The following CRY1 variants were observed in gnomAD, a reference collection of about 807,000 sequenced individuals.
CRY1 encodes cryptochrome-1.
CRY1 carries 45 observed loss-of-function variants against 76.0 expected under a neutral mutation model. That is an observed-to-expected ratio of 0.59 (90% CI 0.47 to 0.76). The LOEUF is 0.76. Ranked by LOEUF, CRY1 falls within the 30% of genes least tolerant of loss-of-function variation. The pLI is 0.00. For missense variants in CRY1, 587 were observed against 716.4 expected (o/e 0.82, Z 2.06); for synonymous variants, 248 against 244.0 (o/e 1.02, Z -0.15).
intron 10 of CRY1, among the ~76,000 whole-genome samples, chr12:106,996,031 C>A (rs983319869): frequency 7.2e-5 from 11 of 152,052 alleles, no homozygotes; most frequent in African/African-American, 2.7e-4. Flanking sequence ...TTAGTAGAGA[C>A]GGGGGTTTCT....
At chr12:107,011,061 G>A (rs974562744) in intron 2 of CRY1, among the ~76,000 whole-genome samples, 3 of 152,082 alleles carry the variant, frequency 2.0e-5, no homozygotes, top group Non-Finnish European at 2.9e-5. Context: ...GGTGAGACAG[G>A]CCAGGCTGGG....
intron 1 of CRY1, among the ~76,000 whole-genome samples, chr12:107,062,025 CAAAAA>C (rs35683352): frequency 1.1e-5 from 1 of 93,564 alleles, no homozygotes; most frequent in South Asian, 3.5e-4. Flanking sequence ...GACCCTGTCT[CAAAAA>C]AAAAAAAAAA....
chr12:107,059,494 C>G (rs1953024358), intron 1 of CRY1, among the ~76,000 whole-genome samples: 1 of 151,990 alleles, frequency 6.6e-6, no homozygotes, highest in Non-Finnish European at 1.5e-5. Context: ...CTCAAGCAAT[C>G]CTCCCACTTC....
chr12:107,049,238 T>C lies in CRY1; in HGVS notation c.159-27046A>G, dbSNP rs528247503. Among the ~76,000 whole-genome samples, 232 of 152,324 alleles carry C rather than the reference T, an allele frequency of 1.5e-3. 2 individuals are homozygous for C. The highest frequency in any genetic ancestry group is 2.7e-3 in the Non-Finnish European group (187 of 68,026). The stretch of plus-strand genomic sequence containing the variant: ...TTCAGCCCAACACAACTGCTAAAAA[T>C]TCTGCTCAGTCTCTCAGTCACCATT... On this transcript the variant is annotated intron_variant, in intron 1 of 12. Coordinates refer to ENST00000008527, the MANE Select transcript of CRY1 (RefSeq NM_004075.5).
chr12:107,069,628 T>A (rs1485392765), intron 1 of CRY1, among the ~76,000 whole-genome samples: 6 of 121,320 alleles, frequency 4.9e-5, no homozygotes, highest in Non-Finnish European at 1.0e-4. Flanking sequence ...TATATATATA[T>A]AAAGTATATA....
At chr12:107,007,905 C>T (rs1250078639) in intron 2 of CRY1, among the ~76,000 whole-genome samples, 2 of 152,160 alleles carry the variant, frequency 1.3e-5, no homozygotes. Context: ...AATAACACTT[C>T]CTGCCCCTTT....
Position 107,054,802 on chromosome 12 carries a change from T to C in CRY1, c.159-32610A>G, listed in dbSNP as rs551992524. 3.9e-5 allele frequency among the ~76,000 whole-genome samples: 6 copies of C among 152,128 alleles called. No homozygotes were observed. The East Asian group carries it at 7.7e-4, about 20-fold the overall frequency. ...TTAACCAGGTTAATAATCATCTAAA[T>C]ATATACATATTTTACACATTTCTCC... On this transcript the variant is annotated intron_variant, in intron 1 of 12. Transcript: ENST00000008527.
chr12:106,992,110 T>A (rs1952186176), intron 12 of CRY1, 109 bp from the exon 13 acceptor site: 1 of 152,158 alleles, frequency 6.6e-6, no homozygotes, highest in Admixed American at 6.5e-5. Flanking sequence ...ACTTATAGTC[T>A]AATTAGGTTG....
At chr12:106,998,703 T>C (rs1952262775) in intron 7 of CRY1, among the ~76,000 whole-genome samples, 1 of 115,504 alleles carries the variant, frequency 8.7e-6, no homozygotes, top group Non-Finnish European at 1.7e-5. Context: ...AGCTCAGAAA[T>C]GGTCCTTGGA....
chr12:107,086,219 T>C (rs1441267299), intron 1 of CRY1, among the ~76,000 whole-genome samples: 11 of 151,956 alleles, frequency 7.2e-5, no homozygotes, highest in Admixed American at 6.6e-4. Context: ...CTATCAGATA[T>C]GGGAGTTCAA....
At chr12:107,073,770 T>C (rs1260500898) in intron 1 of CRY1, among the ~76,000 whole-genome samples, 1 of 152,118 alleles carries the variant, frequency 6.6e-6, no homozygotes. Context: ...TTTGTCTTGC[T>C]ATATGCTCCT....
chr12:107,063,699 G>A (rs1351550374), intron 1 of CRY1, among the ~76,000 whole-genome samples: 2 of 152,196 alleles, frequency 1.3e-5, no homozygotes, highest in African/African-American at 4.8e-5. Flanking sequence ...CTGGATTCAA[G>A]TGATTCTCCT....
intron 2 of CRY1, among the ~76,000 whole-genome samples, chr12:107,018,422 G>C (rs1952519636): frequency 6.6e-6 from 1 of 151,932 alleles, no homozygotes; most frequent in Non-Finnish European, 1.5e-5. Flanking sequence ...CCCTTTCTCT[G>C]CTAAAAATAC....
intron 1 of CRY1, among the ~76,000 whole-genome samples, chr12:107,038,864 T>A (rs1952766076): frequency 2.0e-5 from 3 of 152,208 alleles, no homozygotes; most frequent in South Asian, 4.1e-4. Context: ...CAGAGCCATA[T>A]GATTGAGACA....
At chr12:107,078,623 G>T (rs565539276) in intron 1 of CRY1, among the ~76,000 whole-genome samples, 2 of 152,084 alleles carry the variant, frequency 1.3e-5, no homozygotes, top group Non-Finnish European at 2.9e-5. Flanking sequence ...ATTCCCATAT[G>T]CACAGATCCA....
intron 1 of CRY1, among the ~76,000 whole-genome samples, chr12:107,036,624 G>C (rs953212613): frequency 6.6e-6 from 1 of 150,544 alleles, no homozygotes; most frequent in African/African-American, 2.5e-5. Flanking sequence ...GGCTTTCTAG[G>C]TCCTACAGAA....
At chr12:107,066,878 C>T (rs1476436889) in intron 1 of CRY1, among the ~76,000 whole-genome samples, 1 of 152,162 alleles carries the variant, frequency 6.6e-6, no homozygotes, top group Non-Finnish European at 1.5e-5. Context: ...TGGCTCACCA[C>T]ACCCTCGACC....
intron 10 of CRY1, among the ~76,000 whole-genome samples, chr12:106,996,634 T>C (rs998170101): frequency 2.0e-5 from 3 of 152,224 alleles, no homozygotes; most frequent in African/African-American, 7.2e-5. Context: ...CCAGCATCTG[T>C]TGTTTCTTGA....
chr12:106,992,495 A>G (rs1952190036), intron 12 of CRY1: 1 of 253,576 alleles, frequency 3.9e-6, no homozygotes, highest in Non-Finnish European at 7.7e-6. Flanking sequence ...TTACATAGTA[A>G]GGAAATAAAA....
Sources: allele counts gnomAD v4.1 joint callset (sites outside exome capture counted in the v4.1 genomes callset), GRCh38; gene constraint gnomAD v4.1.1; transcripts MANE v1.5; gene names NCBI Gene and HGNC (gene_info 2026-07-23, HGNC 2026-07-21).